TNFAIP8L3: variants seen among roughly 807,000 people sequenced by gnomAD.
TNFAIP8L3 encodes TNF alpha induced protein 8 like 3, also known as tumor necrosis factor alpha-induced protein 8-like protein 3.
A neutral mutation model predicts 11.8 loss-of-function variants in TNFAIP8L3; 7 were observed. The observed-to-expected ratio is 0.59, with a 90% CI of 0.34 to 1.11. TNFAIP8L3 has a LOEUF of 1.11. Among genes scored for constraint, TNFAIP8L3 ranks in the 50% most tolerant of loss-of-function variants. The probability of loss-of-function intolerance (pLI) is 0.03; values close to 1 mark genes in which losing one functional copy is unlikely to be tolerated. For missense variants in TNFAIP8L3, 219 were observed against 258.6 expected (o/e 0.85, Z 1.05); for synonymous variants, 98 against 103.8 (o/e 0.94, Z 0.34).
At chr15:51,085,253 T>C (rs1040731350) in intron 1 of TNFAIP8L3, among the ~76,000 whole-genome samples, 4 of 152,184 alleles carry the variant, frequency 2.6e-5, no homozygotes, top group African/African-American at 7.2e-5. Flanking sequence ...CCAATAAACT[T>C]TTCTTGAAGC....
intron 1 of TNFAIP8L3, among the ~76,000 whole-genome samples, chr15:51,066,387 C>T (rs1221135836): frequency 3.3e-5 from 5 of 152,098 alleles, no homozygotes; most frequent in Admixed American, 2.6e-4. Context: ...GGTCTACGAA[C>T]TCCTGACCTC....
intron 1 of TNFAIP8L3, among the ~76,000 whole-genome samples, chr15:51,078,286 C>G (rs1185068533): frequency 7.1e-6 from 1 of 141,326 alleles, no homozygotes; most frequent in Non-Finnish European, 1.5e-5. Context: ...TCGGTTGTCA[C>G]AAATATAAGC....
At position 51,058,333 on chromosome 15, in the gene TNFAIP8L3, C is replaced by T. The variant is rs779602341; in HGVS notation, c.163G>A (p.Glu55Lys). 1.9e-5 allele frequency: 31 copies of T among 1,614,022 alleles called. No homozygotes were observed. Among genetic ancestry groups the T allele is most frequent in the African/African-American group, 2.7e-5 (2 of 74,900 alleles). Residue 55 changes from glutamate to lysine, a missense_variant, in exon 2 of 2, where the codon GAG (glutamate) becomes AAG (lysine). By Grantham distance (56) the Glu-to-Lys change is moderately conservative (BLOSUM62 1). Coordinates refer to ENST00000637513, the MANE Select transcript of TNFAIP8L3 (RefSeq NM_001311175.2). ...ACTTTGTAGAGCTCATCAAAGATCT[C>T]GCTGCTGGTGTCATCAATCAACATG... is the stretch of plus-strand genomic sequence containing the variant. ...ANMLIDDTSSEIFDELYKVTK... is the reference protein window; with the variant it reads ...ANMLIDDTSSKIFDELYKVTK...
chr15:51,072,015 T>C (rs2065312072), intron 1 of TNFAIP8L3, among the ~76,000 whole-genome samples: 1 of 152,242 alleles, frequency 6.6e-6, no homozygotes, highest in African/African-American at 2.4e-5. Context: ...TTGAATTATA[T>C]ATATTTTTCT....
Position 51,056,906 on chromosome 15 carries a change from T to G in TNFAIP8L3, c.*975A>C, listed in dbSNP as rs1235933460. Reference sequence around the variant, plus strand: ...AAAACACCTCTTTTTAAAAAAATTATTATTATTATTATTATTTTTTAGAGA... The same window carrying G: ...AAAACACCTCTTTTTAAAAAAATTAGTATTATTATTATTATTTTTTAGAGA... On this transcript the variant is annotated 3_prime_UTR_variant, in exon 2 of 2. Transcript: ENST00000637513. 1 of 151,022 alleles carries G rather than the reference T, an allele frequency of 6.6e-6. No individual in the cohort carries two copies. Among genetic ancestry groups the G allele is most frequent in the Non-Finnish European group, 1.5e-5 (1 of 67,970 alleles). The allele number at this position is 151,022 out of a possible 1,614,324, so 9.4% of individuals were successfully genotyped here. A position where few individuals can be genotyped will look rare whatever the true frequency, so the allele number is the denominator to read the frequency against.
chr15:51,098,823 C>T (rs1316934324), upstream of TNFAIP8L3, among the ~76,000 whole-genome samples: 2 of 152,192 alleles, frequency 1.3e-5, no homozygotes, highest in Non-Finnish European at 2.9e-5. Context: ...TTCATCTACT[C>T]TTTGATAACA....
chr15:51,102,957 AT>A (rs2065564673), intron 1 of TNFAIP8L3, among the ~76,000 whole-genome samples: 2 of 151,940 alleles, frequency 1.3e-5, no homozygotes, highest in South Asian at 4.1e-4. Context: ...CCTCTTTTCA[AT>A]TTCTTTATCT....
chr15:51,073,219 C>G (rs1013964746), intron 1 of TNFAIP8L3, among the ~76,000 whole-genome samples: 1 of 152,154 alleles, frequency 6.6e-6, no homozygotes, highest in African/African-American at 2.4e-5. Flanking sequence ...TGGTCTCAAA[C>G]TCCCGACCTC....
chr15:51,075,714 AT>A (rs2065344974), intron 1 of TNFAIP8L3, among the ~76,000 whole-genome samples: 1 of 152,220 alleles, frequency 6.6e-6, no homozygotes, highest in Admixed American at 6.5e-5. Flanking sequence ...GAATGCTGTA[AT>A]TTTTGGAGGA....
chr15:51,091,959 G>A (rs1337879218), intron 1 of TNFAIP8L3, among the ~76,000 whole-genome samples: 2 of 152,128 alleles, frequency 1.3e-5, no homozygotes, highest in South Asian at 2.1e-4. Context: ...CACCTCTCGT[G>A]TTATTATACT....
At chr15:51,083,239 T>C (rs1238280605) in intron 1 of TNFAIP8L3, among the ~76,000 whole-genome samples, 1 of 152,100 alleles carries the variant, frequency 6.6e-6, no homozygotes, top group Non-Finnish European at 1.5e-5. Flanking sequence ...CCTTCAGAAA[T>C]AGATTCACAT....
chr15:51,058,878 C>G (rs1260513459), intron 1 of TNFAIP8L3, among the ~76,000 whole-genome samples: 1 of 152,250 alleles, frequency 6.6e-6, no homozygotes, highest in South Asian at 2.1e-4. Flanking sequence ...CAACCCCATT[C>G]CCAGGGCAGA....
chr15:51,098,142 A>G (rs1261461827), upstream of TNFAIP8L3, among the ~76,000 whole-genome samples: 1 of 152,226 alleles, frequency 6.6e-6, no homozygotes, highest in African/African-American at 2.4e-5. Context: ...AGGTGTCAAG[A>G]AACAGATAAT....
intron 1 of TNFAIP8L3, among the ~76,000 whole-genome samples, chr15:51,089,114 C>T (rs1437257226): frequency 6.6e-6 from 1 of 152,046 alleles, no homozygotes; most frequent in Non-Finnish European, 1.5e-5. Context: ...TTTTCCCTTG[C>T]CTTCTACAGT....
chr15:51,104,323 T>C (rs190587967), intron 1 of TNFAIP8L3, among the ~76,000 whole-genome samples: 1 of 152,184 alleles, frequency 6.6e-6, no homozygotes, highest in East Asian at 1.9e-4. Context: ...CTTGCCCAAA[T>C]CCAGCTACAC....
intron 1 of TNFAIP8L3, among the ~76,000 whole-genome samples, chr15:51,087,014 G>A (rs2065433330): frequency 1.3e-5 from 2 of 151,778 alleles, no homozygotes; most frequent in Non-Finnish European, 2.9e-5. Flanking sequence ...TCAGCCTCCC[G>A]AGTAGCTAGG....
upstream of TNFAIP8L3, among the ~76,000 whole-genome samples, chr15:51,097,562 T>G (rs2065522423): frequency 6.6e-6 from 1 of 152,242 alleles, no homozygotes; most frequent in African/African-American, 2.4e-5. Flanking sequence ...GAATGTGGAA[T>G]TAGACAATGG....
At chr15:51,068,660 GTTTTTTTTTTTTT>G (rs113982459) in intron 1 of TNFAIP8L3, among the ~76,000 whole-genome samples, 2 of 116,380 alleles carry the variant, frequency 1.7e-5, no homozygotes, top group South Asian at 5.4e-4. Context: ...CACCCCTCCT[GTTTTTTTTTTTTT>G]TTTTTTTTTG....
intron 1 of TNFAIP8L3, among the ~76,000 whole-genome samples, chr15:51,103,131 G>T (rs184006803): frequency 7.4e-4 from 113 of 151,904 alleles, no homozygotes; most frequent in Middle Eastern, 6.8e-3. Flanking sequence ...TCTTGGCATT[G>T]TCCTTAAACG....
Sources: allele counts gnomAD v4.1 joint callset (sites outside exome capture counted in the v4.1 genomes callset), GRCh38; gene constraint gnomAD v4.1.1; transcripts MANE v1.5; gene names NCBI Gene and HGNC (gene_info 2026-07-23, HGNC 2026-07-21).